Variants in SBNO2 observed in about 807,000 individuals in gnomAD.
SBNO2 encodes strawberry notch homolog 2, also known as protein strawberry notch homolog 2.
Under a neutral mutation model 146.3 loss-of-function variants are expected in SBNO2, and 89 were observed. The observed-to-expected ratio is 0.61, with a 90% CI of 0.51 to 0.73. The LOEUF (loss-of-function observed/expected upper bound fraction) is 0.73. Ranked by LOEUF, SBNO2 falls within the 30% of genes least tolerant of loss-of-function variation. The probability of loss-of-function intolerance (pLI) is 0.00; values close to 1 mark genes in which losing one functional copy is unlikely to be tolerated. For missense variants in SBNO2, 2,092 were observed against 2,003.7 expected, an observed-to-expected ratio of 1.04 and a Z score of -0.84; for synonymous variants, 1,147 against 892.6, an observed-to-expected ratio of 1.29 and a Z score of -5.08.
chr19:1,165,750 T>C (rs202174495), intron 1 of SBNO2, among the ~76,000 whole-genome samples: 203 of 4,794 alleles, frequency 0.042, no homozygotes, highest in Middle Eastern at 0.17. Context: ...ACCCCAGATC[T>C]CAGACCCCAG....
At chr19:1,114,199 C>G (rs2079802896) in intron 18 of SBNO2, 32 bp downstream of exon 18, 1 of 1,417,254 alleles carries the variant, frequency 7.1e-7, no homozygotes, top group Non-Finnish European at 9.3e-7. Flanking sequence ...TCCTGACCCA[C>G]AGGTGGCTGG....
At chr19:1,115,759 T>C (rs1357170061) in intron 17 of SBNO2, 1 of 561,280 alleles carries the variant, frequency 1.8e-6, no homozygotes, top group African/African-American at 1.9e-5. Context: ...CCCGCGTCCG[T>C]GTCCCGCCCC....
rs752904028 is a variant in SBNO2, at chr19:1,127,624, C to T, written c.421G>A (p.Ala141Thr). The change falls in exon 5 of 32, where the codon GCC becomes ACC. Residue 141 changes from alanine to threonine, a missense_variant. Physicochemically the swap from Ala to Thr is moderately conservative, Grantham distance 58 (BLOSUM62 0). Transcript: ENST00000361757. ...QVSTIWDDNP[A>T]PSTHDKLFQL... ...CTGACCTTATCGTGGGTGGAGGGGG[C>T]AGGGTTATCGTCCCAGATGGTGGAC... is the stretch of plus-strand genomic sequence containing the variant. The T allele has an allele frequency of 1.2e-6, 2 of 1,612,910 alleles. No individual in the cohort carries two copies. The highest frequency in any genetic ancestry group is 1.7e-5 in the Admixed American group (1 of 59,986).
chr19:1,149,531 G>C, intron 2 of SBNO2, 89 bp from the exon 3 acceptor site: 3 of 1,190,328 alleles, frequency 2.5e-6, no homozygotes, highest in Non-Finnish European at 3.6e-6. Context: ...GACAGGCCGA[G>C]AGGCTAGGGA....
intron 1 of SBNO2, among the ~76,000 whole-genome samples, chr19:1,162,438 T>G (rs1282538464): frequency 5.5e-4 from 77 of 140,906 alleles, no homozygotes; most frequent in Non-Finnish European, 8.8e-4. Context: ...CCAGCCTGGG[T>G]GAAAGAGCGA....
intron 4 of SBNO2, among the ~76,000 whole-genome samples, chr19:1,132,967 C>T (rs931087979): frequency 6.6e-5 from 10 of 152,214 alleles, no homozygotes; most frequent in Admixed American, 5.2e-4. Flanking sequence ...GGGGCAACCC[C>T]GGGCCGCGAG....
rs1001673037 is a variant in SBNO2, at chr19:1,153,101, C to T, written c.93+1083G>A. On this transcript the variant is annotated intron_variant, in intron 2 of 31. Coordinates refer to ENST00000361757, the MANE Select transcript of SBNO2 (RefSeq NM_014963.3). ...CCAGGAGGCAGAGGCTGCAGTGAGC[C>T]GAGATCGCACCACTGCACTTCCAGC... Among the ~76,000 whole-genome samples the T allele has an allele frequency of 1.2e-4, 18 of 150,914 alleles. 1 individual carries two copies. The highest frequency in any genetic ancestry group is 1.1e-3 in the Admixed American group (17 of 15,190).
chr19:1,114,359 C>T lies in SBNO2; in HGVS notation c.1949G>A (p.Arg650His), dbSNP rs368375543. The change falls in exon 18 of 32, where the codon CGC becomes CAC. Residue 650 changes from arginine (R) to histidine (H), a missense_variant. Coordinates refer to ENST00000361757, the MANE Select transcript of SBNO2 (RefSeq NM_014963.3). ...RLACETAGVI[R>H]ISDDSSTESD... ...CTCCGTGCTGCTGTCGTCACTGATG[C>T]GGATGACGCCCGCTGTCTCGCACGC... The T allele has an allele frequency of 2.4e-5, 38 of 1,556,240 alleles. No individual in the cohort carries two copies. Among genetic ancestry groups the T allele is most frequent in the Middle Eastern group, 1.7e-4 (1 of 6,006 alleles).
intron 3 of SBNO2, among the ~76,000 whole-genome samples, chr19:1,148,451 C>T (rs1294346392): frequency 6.6e-6 from 1 of 150,926 alleles, no homozygotes; most frequent in Non-Finnish European, 1.5e-5. Context: ...CTGCTGCCCT[C>T]TGTGGGAAAA....
chr19:1,119,517 T>C lies in SBNO2; in HGVS notation c.1372A>G (p.Arg458Gly). The change falls in exon 13 of 32, where the codon AGG (arginine) becomes GGG (glycine). Residue 458 changes from arginine to glycine, a missense_variant and splice_region_variant. Arg to Gly is a moderately radical substitution (Grantham distance 125). Transcript: ENST00000361757. The part of the protein sequence containing the change: ...FEEFLHAIEK[R>G]GVGAMEIVAM... Reference sequence around the variant, plus strand: ...CACGTGGGTGAGAAGGGCACTCACCTCTTCTCGATGGCGTGCAGGAACTCC... The same window carrying C: ...CACGTGGGTGAGAAGGGCACTCACCCCTTCTCGATGGCGTGCAGGAACTCC... 1 of 1,411,744 alleles carries C rather than the reference T, an allele frequency of 7.1e-7. No homozygotes were observed. Among genetic ancestry groups the C allele is most frequent in the African/African-American group, 1.4e-5 (1 of 70,202 alleles). The allele number at this position is 1,411,744 out of a possible 1,614,324, so 87.5% of individuals were successfully genotyped here. A position where few individuals can be genotyped will look rare whatever the true frequency, so the allele number is the denominator to read the frequency against.
intron 1 of SBNO2, among the ~76,000 whole-genome samples, chr19:1,164,261 G>A (rs1430002116): frequency 6.6e-5 from 10 of 152,178 alleles, no homozygotes; most frequent in Admixed American, 3.9e-4. Flanking sequence ...CAGCTTGAGC[G>A]GGTGGCCGAA....
At chr19:1,141,964 T>G (rs111731403) in intron 4 of SBNO2, among the ~76,000 whole-genome samples, 8,784 of 149,822 alleles carry the variant, frequency 0.059, 834 homozygotes, top group African/African-American at 0.2. Flanking sequence ...GGGCAGAATC[T>G]CCCAGGCACA....
At chr19:1,133,967 C>A (rs1279836379) in intron 4 of SBNO2, among the ~76,000 whole-genome samples, 1 of 152,226 alleles carries the variant, frequency 6.6e-6, no homozygotes, top group Non-Finnish European at 1.5e-5. Flanking sequence ...ATCAGGAGGA[C>A]CCACAGCTCA....
rs201821645 is a variant in SBNO2, at chr19:1,117,304, G to T, written c.1704+19C>A. ...GCAGGCCCGGCCGCCCTCAGCCCTC[G>T]AAGGCCGCAGCCGCTCACCTTGTCT... On this transcript the variant is annotated intron_variant, in intron 15 of 31. Transcript: ENST00000361757. 8.8e-5 allele frequency: 137 copies of T among 1,549,868 alleles called. No individual in the cohort carries two copies. The African/African-American group carries it at 1.6e-3, about 18-fold the overall frequency.
intron 1 of SBNO2, 102 bp downstream of exon 1, chr19:1,174,070 C>G (rs2080507714): frequency 6.7e-6 from 1 of 148,966 alleles, no homozygotes. Context: ...AACCCCCAGC[C>G]CCGGGCGCAG....
At chr19:1,145,031 A>G (rs12977672) in intron 4 of SBNO2, among the ~76,000 whole-genome samples, 10 of 151,750 alleles carry the variant, frequency 6.6e-5, no homozygotes, top group African/African-American at 2.4e-4. Flanking sequence ...AGAGGCAGAG[A>G]GAGAGACAGA....
intron 13 of SBNO2, 134 bp downstream of exon 13, chr19:1,119,382 A>C: frequency 1.1e-6 from 1 of 880,642 alleles, no homozygotes. Flanking sequence ...CGAGGCAGTG[A>C]AACGAGCGAC....
rs575419607 is a variant in SBNO2 at position 1,163,785 on chromosome 19, G to C, written c.-126-9383C>G. Among the ~76,000 whole-genome samples, 5 of 152,354 alleles carry C rather than the reference G, an allele frequency of 3.3e-5. No individual in the cohort carries two copies. The East Asian group carries it at 9.6e-4, about 29-fold the overall frequency. ...TGCTGGGGGACGGCCCCTCAATTTA[G>C]GATGAGGACGAGGTGGGCCCGGCAG... On this transcript the variant is annotated intron_variant, in intron 1 of 31. Coordinates refer to ENST00000361757, the MANE Select transcript of SBNO2 (RefSeq NM_014963.3).
chr19:1,160,953 G>T (rs903228545), intron 1 of SBNO2, among the ~76,000 whole-genome samples: 6 of 150,838 alleles, frequency 4.0e-5, no homozygotes, highest in South Asian at 2.1e-4. Flanking sequence ...CCCCTCCCAG[G>T]GTGGGCAGGG....
Sources: gnomAD v4.1 joint callset for allele counts (sites outside exome capture counted in the v4.1 genomes callset) on GRCh38, gnomAD v4.1.1 for gene constraint, MANE v1.5 for transcripts, NCBI Gene and HGNC (gene_info 2026-07-23, HGNC 2026-07-21) for gene names.